The following ATM variants were observed in gnomAD, a reference collection of about 807,000 sequenced individuals.
ATM encodes the protein serine-protein kinase ATM.
A neutral mutation model predicts 387.0 loss-of-function variants in ATM; 308 were observed. The observed-to-expected ratio is 0.80, with a 90% CI of 0.73 to 0.87. ATM has a LOEUF of 0.87. ATM is among the 40% of genes least tolerant of loss of function. The probability of loss-of-function intolerance (pLI) is 0.00; values close to 1 mark genes in which losing one functional copy is unlikely to be tolerated. For missense variants in ATM, 3,312 were observed against 3,560.9 expected, an observed-to-expected ratio of 0.93 and a Z score of 1.78; for synonymous variants, 1,156 against 1,187.3, an observed-to-expected ratio of 0.97 and a Z score of 0.54.
chr11:108,330,253 A>G lies in ATM; in HGVS notation c.7347A>G (p.Glu2449=), dbSNP rs2136454257. Residue 2449 remains glutamate (E), a synonymous_variant, in exon 50 of 63, where the codon GAA becomes GAG. Transcript: ENST00000675843. ...VKVQRELELD[E]LALRALKEDR... The stretch of plus-strand genomic sequence containing the variant: ...TTCAGCGAGAGCTGGAGTTGGATGA[A>G]TTAGCCCTGCGTGCACTGAAAGAGG... 6.2e-7 allele frequency: 1 copy of G among 1,614,204 alleles called. No homozygotes were observed. The highest frequency in any genetic ancestry group is 8.5e-7 in the Non-Finnish European group (1 of 1,180,014).
At chr11:108,237,162 C>T (rs1449458792) in intron 5 of ATM, among the ~76,000 whole-genome samples, 18 of 152,186 alleles carry the variant, frequency 1.2e-4, no homozygotes, top group Non-Finnish European at 2.2e-4. Flanking sequence ...AATGCCTTCT[C>T]AGCTAATTTC....
chr11:108,307,400 A>G (rs958494326), intron 37 of ATM, among the ~76,000 whole-genome samples: 2 of 152,136 alleles, frequency 1.3e-5, no homozygotes, highest in Non-Finnish European at 2.9e-5. Flanking sequence ...CGTCCGCATC[A>G]GCCTCCCAAA....
intron 30 of ATM, 29 bp from the exon 31 acceptor site, chr11:108,293,284 A>G (rs2082908694): frequency 7.5e-7 from 1 of 1,329,548 alleles, no homozygotes; most frequent in South Asian, 1.4e-5. Context: ...TTCTCTCCTT[A>G]TAATTTTTTC....
At chr11:108,241,742 C>CT (rs1206745957) in intron 5 of ATM, among the ~76,000 whole-genome samples, 535 of 45,336 alleles carry the variant, frequency 0.012, 8 homozygotes, top group Non-Finnish European at 0.015. Flanking sequence ...TTCTTTCTTT[C>CT]TTTTTTTTTT....
chr11:108,251,868 ACCACCAGTATAGTT>A lies in ATM; in HGVS notation c.1643_1656del (p.Thr548ArgfsTer13), dbSNP rs1591527327. ...AGTATGCTGTTTGACTTTGGCACTGACCACCAGTATAGTTCCAGGAACGGTAAAAATGGGAATAG... is the reference window on the plus strand; with the variant it reads ...AGTATGCTGTTTGACTTTGGCACTGACCAGGAACGGTAAAAATGGGAATAG... On this transcript the variant is annotated frameshift_variant, in exon 11 of 63. Coordinates refer to ENST00000675843, the MANE Select transcript of ATM (RefSeq NM_000051.4). LOFTEE classifies it high-confidence loss of function. 1 of 1,613,878 alleles carries A rather than the reference ACCACCAGTATAGTT, an allele frequency of 6.2e-7. No individual in the cohort carries two copies. The highest frequency in any genetic ancestry group is 8.5e-7 in the Non-Finnish European group (1 of 1,179,828).
At chr11:108,328,956 GA>G (rs1351318452) in intron 48 of ATM, 64 bp from the exon 49 acceptor site, 1 of 1,465,060 alleles carries the variant, frequency 6.8e-7, no homozygotes, top group African/African-American at 1.4e-5. Context: ...ACCTTAATTT[GA>G]GTGATTCTTT....
At chr11:108,363,532 T>A (rs188194923) in intron 61 of ATM, among the ~76,000 whole-genome samples, 2 of 152,170 alleles carry the variant, frequency 1.3e-5, no homozygotes, top group Admixed American at 1.3e-4. Context: ...ATTTTTATTG[T>A]CACAATTGGG....
rs1491247307 is a variant in ATM, at chr11:108,250,684, T to TG, written c.1236-17_1236-16insG. 1.1e-5 allele frequency: 3 copies of TG among 281,838 alleles called. No individual in the cohort carries two copies. Among genetic ancestry groups the TG allele is most frequent in the Non-Finnish European group, 1.7e-5 (3 of 178,126 alleles). The allele number at this position is 281,838 out of a possible 1,614,324, so 17.5% of individuals were successfully genotyped here. On this transcript the variant is annotated splice_polypyrimidine_tract_variant and intron_variant, in intron 9 of 62. Coordinates refer to ENST00000675843, the MANE Select transcript of ATM (RefSeq NM_000051.4). Reference sequence around the variant, plus strand: ...TGATGGAATAGTTTTCAAATTATCCTTTTTTTTTTTTTTTAGGCTACAGAT... The same window carrying TG: ...TGATGGAATAGTTTTCAAATTATCCTGTTTTTTTTTTTTTTAGGCTACAGAT...
chr11:108,276,793 G>C (rs1244040273), intron 22 of ATM, among the ~76,000 whole-genome samples: 2 of 152,160 alleles, frequency 1.3e-5, no homozygotes, highest in Admixed American at 6.5e-5. Flanking sequence ...TGTATGAGGT[G>C]TCTGTCGACC....
intron 37 of ATM, among the ~76,000 whole-genome samples, chr11:108,306,754 G>A (rs2083718028): frequency 1.3e-5 from 2 of 152,176 alleles, no homozygotes; most frequent in South Asian, 2.1e-4. Flanking sequence ...TTCACTAAAC[G>A]TCCCATGTGC....
At chr11:108,329,929 T>C (rs1206738218) in intron 49 of ATM, among the ~76,000 whole-genome samples, 2 of 152,250 alleles carry the variant, frequency 1.3e-5, no homozygotes, top group Non-Finnish European at 2.9e-5. Context: ...ATTAAATCCC[T>C]TTATTTAAGC....
chr11:108,257,730 C>T, intron 15 of ATM, 124 bp downstream of exon 15: 1 of 968,112 alleles, frequency 1.0e-6, no homozygotes, highest in Non-Finnish European at 1.6e-6. Flanking sequence ...AGCAATTCTC[C>T]TGCCTCAGCC....
chr11:108,245,636 A>G (rs546852006), intron 7 of ATM, among the ~76,000 whole-genome samples: 2 of 152,056 alleles, frequency 1.3e-5, no homozygotes, highest in East Asian at 3.9e-4. Flanking sequence ...CAGAAGGTAT[A>G]GTGCTTTTCT....
intron 51 of ATM, 130 bp downstream of exon 51, chr11:108,331,687 A>G: frequency 7.4e-7 from 1 of 1,346,476 alleles, no homozygotes; most frequent in Non-Finnish European, 1.0e-6. Context: ...GTCTTCTCAC[A>G]TCACATAAGT....
chr11:108,287,619 G>A lies in ATM; in HGVS notation c.4013G>A (p.Ser1338Asn), dbSNP rs1302951937. The A allele has an allele frequency of 6.2e-7, 1 of 1,612,476 alleles. No homozygotes were observed. Among genetic ancestry groups the A allele is most frequent in the Middle Eastern group, 1.7e-4 (1 of 6,058 alleles). ...LGKQIDHLFI[S>N]NLPEIVVELL... The stretch of plus-strand genomic sequence containing the variant: ...TTGCAGATTGATCACTTATTCATTA[G>A]TAATTTACCAGAGATTGTGGTGGAG... The change falls in exon 27 of 63, where the codon AGT (serine) becomes AAT (asparagine). Residue 1338 changes from serine (S) to asparagine (N), a missense_variant. Ser to Asn is a conservative substitution (Grantham distance 46). Around this residue, in one of 4 missense-constraint regions of ATM, gnomAD observed 1,791 missense variants for 1,804.5 expected, o/e 0.99. Transcript: ENST00000675843.
At chr11:108,293,179 G>T (rs1035174565) in intron 30 of ATM, 134 bp from the exon 31 acceptor site, 1 of 633,176 alleles carries the variant, frequency 1.6e-6, no homozygotes. Flanking sequence ...CTAAAAGCTG[G>T]GTATCTTAGA....
intron 16 of ATM, among the ~76,000 whole-genome samples, chr11:108,259,434 G>A (rs574078836): frequency 8.5e-5 from 13 of 152,216 alleles, no homozygotes; most frequent in South Asian, 2.1e-4. Context: ...TGCAGTGAGC[G>A]AAGATCGTGC....
intron 16 of ATM, 42 bp from the exon 17 acceptor site, chr11:108,267,129 G>A (rs2081296865): frequency 6.2e-7 from 1 of 1,600,578 alleles, no homozygotes; most frequent in Non-Finnish European, 8.5e-7. Context: ...GCATGCTCCT[G>A]CAAGAAGCCA....
intron 54 of ATM, among the ~76,000 whole-genome samples, chr11:108,334,346 T>C (rs2086599428): frequency 6.6e-6 from 1 of 152,218 alleles, no homozygotes; most frequent in African/African-American, 2.4e-5. Context: ...ATGTATTGGC[T>C]GTGATATATC....
Sources: allele counts gnomAD v4.1 joint callset (sites outside exome capture counted in the v4.1 genomes callset), GRCh38; gene constraint gnomAD v4.1.1; regional missense constraint gnomAD v4.1.1; transcripts MANE v1.5; gene names NCBI Gene and HGNC (gene_info 2026-07-23, HGNC 2026-07-21).